LPAR1: variants seen among roughly 807,000 people sequenced by gnomAD.
LPAR1 encodes the protein lysophosphatidic acid receptor 1.
LPAR1 carries 5 observed loss-of-function variants against 23.8 expected under a neutral mutation model. The ratio of observed to expected loss-of-function variants is 0.21; its 90% CI spans 0.11 to 0.44. The LOEUF (loss-of-function observed/expected upper bound fraction) is 0.44, where lower values mean the gene tolerates loss of function less well. LPAR1 is among the 20% of genes least tolerant of loss of function. The probability of loss-of-function intolerance (pLI) is 0.99; values close to 1 mark genes in which losing one functional copy is unlikely to be tolerated. For missense variants in LPAR1, 311 were observed against 482.8 expected (o/e 0.64, Z 3.33); for synonymous variants, 160 against 164.7 (o/e 0.97, Z 0.22).
intron 5 of LPAR1, among the ~76,000 whole-genome samples, chr9:110,935,018 C>T (rs2094606472): frequency 6.6e-6 from 1 of 152,082 alleles, no homozygotes; most frequent in South Asian, 2.1e-4. Context: ...TTTCAGATAA[C>T]TTTTTTCAAG....
At position 110,874,340 on chromosome 9, in the gene LPAR1, G is replaced by C. The variant is rs2078671110; in HGVS notation, c.*1081C>G. 6.6e-6 allele frequency: 1 copy of C among 152,494 alleles called. No homozygotes were observed. Among genetic ancestry groups the C allele is most frequent in the Admixed American group, 6.6e-5 (1 of 15,254 alleles). 9.4% of individuals were successfully genotyped at this position (152,494 alleles called of 1,614,324 possible). A position where few individuals can be genotyped will look rare whatever the true frequency, so the allele number is the denominator to read the frequency against. On this transcript the variant is annotated 3_prime_UTR_variant, in exon 6 of 6. Transcript: ENST00000683809. ...ATTTTTAATGCCATAAGAAAATGTG[G>C]CAATTTTGCAATGAAAAAGATCTAC...
At position 110,972,238 on chromosome 9, in the gene LPAR1, A is replaced by C; in HGVS notation, c.-103-18T>G. On this transcript the variant is annotated intron_variant, in intron 3 of 5. Transcript: ENST00000683809. ...CTGTGTACCTGGAAAACAACAGGAA[A>C]ACCCACATTTAGCATAAAAGGACTA... The C allele has an allele frequency of 4.7e-6, 4 of 857,872 alleles. No individual in the cohort carries two copies. The highest frequency in any genetic ancestry group is 7.9e-6 in the Non-Finnish European group (4 of 508,046). The allele number at this position is 857,872 out of a possible 1,614,324, so 53.1% of individuals were successfully genotyped here.
In LPAR1 at chr9:110,888,636, T is replaced by C. The variant is rs2083100199; in HGVS notation, c.794-12914A>G. Among the ~76,000 whole-genome samples, 6 of 150,666 alleles carry C rather than the reference T, an allele frequency of 4.0e-5. No individual in the cohort carries two copies. The South Asian group carries it at 1.3e-3, about 32-fold the overall frequency. The stretch of plus-strand genomic sequence containing the variant: ...TAAATGAGAAAGACAATCAACAAAA[T>C]ACAAAATAAGTAAGATACATTTTAG... On this transcript the variant is annotated intron_variant, in intron 5 of 5. Transcript: ENST00000683809.
rs145745351 is a variant in LPAR1, at chr9:110,919,260, C to T, written c.793+22161G>A. Among the ~76,000 whole-genome samples the T allele has an allele frequency of 1.4e-4, 21 of 152,200 alleles. No individual in the cohort carries two copies. In the East Asian group the frequency reaches 4.1e-3, roughly 29 times the overall value. ...TCTCCCTCTGCCCACCCCCTGCCTC[C>T]GCCCATTGCTGGCCTTGAAGATGCA... On this transcript the variant is annotated intron_variant, in intron 5 of 5. Transcript: ENST00000683809.
In LPAR1 at chr9:111,019,250, G is replaced by C. The variant is rs556652686; in HGVS notation, c.-182+16872C>G. Among the ~76,000 whole-genome samples the C allele has an allele frequency of 2.6e-5, 4 of 152,220 alleles. No individual in the cohort carries two copies. In the South Asian group the frequency reaches 8.3e-4, roughly 32 times the overall value. On this transcript the variant is annotated intron_variant, in intron 2 of 5. Transcript: ENST00000683809. The stretch of plus-strand genomic sequence containing the variant: ...ACTTTGGGAAGATTGCTTGAGCCCA[G>C]GAGTTCGAGACCAGCCTGGTCAACA...
chr9:110,960,807 A>G (rs1389915626), intron 4 of LPAR1, among the ~76,000 whole-genome samples: 1 of 152,202 alleles, frequency 6.6e-6, no homozygotes, highest in Non-Finnish European at 1.5e-5. Context: ...ATTCTCCTGC[A>G]ACTTTTAATC....
rs577151007 is a variant in LPAR1 at position 110,875,360 on chromosome 9, G to T, written c.*61C>A. Reference sequence around the variant, plus strand: ...CACCCCACCTTGCCCTGGCAATTGGGTAGGGGGAGGCTGTTTATCCTCCAA... The same window carrying T: ...CACCCCACCTTGCCCTGGCAATTGGTTAGGGGGAGGCTGTTTATCCTCCAA... On this transcript the variant is annotated 3_prime_UTR_variant, in exon 6 of 6. Transcript: ENST00000683809. 4.1e-6 allele frequency: 6 copies of T among 1,446,814 alleles called. No individual in the cohort carries two copies. In the South Asian group the frequency reaches 8.2e-5, roughly 20 times the overall value. The allele number at this position is 1,446,814 out of a possible 1,614,324, so 89.6% of individuals were successfully genotyped here. A position where few individuals can be genotyped will look rare whatever the true frequency, so the allele number is the denominator to read the frequency against.
intron 5 of LPAR1, among the ~76,000 whole-genome samples, chr9:110,938,010 T>G (rs2094838254): frequency 1.3e-5 from 2 of 152,172 alleles, no homozygotes; most frequent in African/African-American, 4.8e-5. Flanking sequence ...TTTACTGTAG[T>G]GAATTCACTA....
chr9:111,000,036 T>G (rs12002661), intron 2 of LPAR1, among the ~76,000 whole-genome samples: 3,306 of 152,240 alleles, frequency 0.022, 126 homozygotes, highest in African/African-American at 0.076. Flanking sequence ...ATAAGGCCCC[T>G]AATCTCATTC....
chr9:110,949,310 C>G (rs1384744459), intron 4 of LPAR1, among the ~76,000 whole-genome samples: 2 of 152,172 alleles, frequency 1.3e-5, no homozygotes, highest in East Asian at 3.9e-4. Flanking sequence ...ATCCCCAGAA[C>G]AGTTCACAGC....
intron 5 of LPAR1, among the ~76,000 whole-genome samples, chr9:110,922,824 A>ATTATTAT (rs1554786500): frequency 2.8e-5 from 4 of 142,242 alleles, no homozygotes; most frequent in Admixed American, 7.1e-5. Context: ...TCTTATTATT[A>ATTATTAT]TATTATTATT....
chr9:110,909,525 C>T (rs1267190504), intron 5 of LPAR1, among the ~76,000 whole-genome samples: 1 of 152,156 alleles, frequency 6.6e-6, no homozygotes, highest in African/African-American at 2.4e-5. Flanking sequence ...TTCACTGGCT[C>T]ATTACATTTT....
At chr9:110,966,097 G>A (rs2096210305) in intron 4 of LPAR1, among the ~76,000 whole-genome samples, 1 of 152,142 alleles carries the variant, frequency 6.6e-6, no homozygotes, top group African/African-American at 2.4e-5. Flanking sequence ...GACACAGGGA[G>A]GGGAACATCA....
intron 2 of LPAR1, among the ~76,000 whole-genome samples, chr9:110,986,127 G>T (rs959431588): frequency 1.1e-4 from 16 of 152,044 alleles, no homozygotes; most frequent in Non-Finnish European, 2.1e-4. Context: ...GATCTTCTTT[G>T]TGTGTGCATG....
chr9:111,023,100 A>T (rs1311821664), intron 2 of LPAR1, among the ~76,000 whole-genome samples: 2 of 151,470 alleles, frequency 1.3e-5, no homozygotes, highest in African/African-American at 4.9e-5. Context: ...GCAATATACT[A>T]TATTGCTCTA....
chr9:111,013,443 C>T (rs930071592), intron 2 of LPAR1, among the ~76,000 whole-genome samples: 2 of 152,136 alleles, frequency 1.3e-5, no homozygotes, highest in Admixed American at 1.3e-4. Flanking sequence ...GTCCTAATTG[C>T]CCATTATAAG....
chr9:111,009,998 A>ATATAT (rs2097298345), intron 2 of LPAR1, among the ~76,000 whole-genome samples: 4 of 123,432 alleles, frequency 3.2e-5, no homozygotes, highest in Non-Finnish European at 4.9e-5. Flanking sequence ...TAATTAGGAA[A>ATATAT]ATATATATAT....
intron 2 of LPAR1, among the ~76,000 whole-genome samples, chr9:111,020,966 C>T (rs982292598): frequency 1.3e-5 from 2 of 152,256 alleles, no homozygotes; most frequent in African/African-American, 4.8e-5. Flanking sequence ...AAAAAGCATG[C>T]ATCTCATCTT....
At chr9:111,001,417 T>C (rs550907509) in intron 2 of LPAR1, among the ~76,000 whole-genome samples, 1 of 152,302 alleles carries the variant, frequency 6.6e-6, no homozygotes, top group African/African-American at 2.4e-5. Context: ...GTGACAATTG[T>C]TCCAGGCTAG....
Sources: allele counts gnomAD v4.1 joint callset (sites outside exome capture counted in the v4.1 genomes callset), GRCh38; gene constraint gnomAD v4.1.1; transcripts MANE v1.5; gene names NCBI Gene and HGNC (gene_info 2026-07-23, HGNC 2026-07-21).